The following CTXND1 variants were observed in gnomAD, a reference collection of about 807,000 sequenced individuals.
CTXND1 encodes cortexin domain containing 1.
intron 1 of CTXND1, among the ~76,000 whole-genome samples, chr15:80,242,654 T>C (rs1342653785): frequency 6.6e-6 from 1 of 152,158 alleles, no homozygotes; most frequent in Non-Finnish European, 1.5e-5. Flanking sequence ...GGCTTTATGT[T>C]TAATTTTGTT....
At chr15:80,217,692 G>A (rs1231249556) in intron 1 of CTXND1, among the ~76,000 whole-genome samples, 1 of 151,906 alleles carries the variant, frequency 6.6e-6, no homozygotes, top group Non-Finnish European at 1.5e-5. Flanking sequence ...GACTACAGGC[G>A]CACACCACCA....
At chr15:80,227,397 C>A (rs1893383784) in intron 1 of CTXND1, among the ~76,000 whole-genome samples, 1 of 152,164 alleles carries the variant, frequency 6.6e-6, no homozygotes. Flanking sequence ...CAATGATAAA[C>A]ATGATTTATT....
chr15:80,231,329 C>G (rs568157736), intron 1 of CTXND1, among the ~76,000 whole-genome samples: 2 of 151,774 alleles, frequency 1.3e-5, no homozygotes, highest in South Asian at 2.1e-4. Context: ...AATGACAGAG[C>G]CTTGCCACCT....
chr15:80,195,896 G>C lies in CTXND1; in HGVS notation c.*5874C>G, dbSNP rs2041417815. On this transcript the variant is annotated 3_prime_UTR_variant, in exon 3 of 3. Transcript: ENST00000560778. ...GACCAAGAGGAACTGCTTCCACCAG[G>C]GAATATAGTTATGGGTCTGTTAAAT... 1 of 152,136 alleles carries C rather than the reference G, an allele frequency of 6.6e-6. No individual in the cohort carries two copies. The highest frequency in any genetic ancestry group is 1.5e-5 in the Non-Finnish European group (1 of 68,022). The allele number at this position is 152,136 out of a possible 1,614,324, so 9.4% of individuals were successfully genotyped here. A position where few individuals can be genotyped will look rare whatever the true frequency, so the allele number is the denominator to read the frequency against.
intron 1 of CTXND1, among the ~76,000 whole-genome samples, chr15:80,241,049 TG>T (rs1263948944): frequency 6.6e-6 from 1 of 152,240 alleles, no homozygotes; most frequent in Non-Finnish European, 1.5e-5. Flanking sequence ...ATACACATTT[TG>T]TTGATGCTCA....
chr15:80,213,210 A>G (rs1893218499), intron 1 of CTXND1, among the ~76,000 whole-genome samples: 1 of 152,254 alleles, frequency 6.6e-6, no homozygotes, highest in South Asian at 2.1e-4. Flanking sequence ...GATGATCTAG[A>G]TTATGAGATT....
chr15:80,220,789 T>A (rs1893306082), intron 1 of CTXND1, among the ~76,000 whole-genome samples: 1 of 151,972 alleles, frequency 6.6e-6, no homozygotes, highest in South Asian at 2.1e-4. Flanking sequence ...GTATTGATTT[T>A]TTTTTACACC....
intron 1 of CTXND1, among the ~76,000 whole-genome samples, chr15:80,220,213 T>C (rs1893300772): frequency 6.6e-6 from 1 of 152,146 alleles, no homozygotes; most frequent in South Asian, 2.1e-4. Flanking sequence ...ACTTTGTTTT[T>C]CACATTTAGG....
chr15:80,235,988 T>C (rs1461658567), intron 1 of CTXND1, among the ~76,000 whole-genome samples: 1 of 147,292 alleles, frequency 6.8e-6, no homozygotes, highest in Non-Finnish European at 1.5e-5. Context: ...CAGCTTTCCA[T>C]CTGGACTTAC....
chr15:80,200,519 C>G lies in CTXND1; in HGVS notation c.*1251G>C, dbSNP rs2041443350. On this transcript the variant is annotated 3_prime_UTR_variant, in exon 3 of 3. Coordinates refer to ENST00000560778, the MANE Select transcript of CTXND1 (RefSeq NM_001352888.2). The stretch of plus-strand genomic sequence containing the variant: ...AGAAAGAGGTGGGAGGAGGGAGGGC[C>G]TGAGAAGAGCCATCATCGATGACTT... 1 of 152,226 alleles carries G rather than the reference C, an allele frequency of 6.6e-6. No individual in the cohort carries two copies. Among genetic ancestry groups the G allele is most frequent in the Non-Finnish European group, 1.5e-5 (1 of 68,052 alleles). 9.4% of individuals were successfully genotyped at this position (152,226 alleles called of 1,614,324 possible).
intron 1 of CTXND1, among the ~76,000 whole-genome samples, chr15:80,226,318 G>C (rs1439836241): frequency 6.6e-6 from 1 of 152,190 alleles, no homozygotes; most frequent in Non-Finnish European, 1.5e-5. Flanking sequence ...TCTCAGGAGG[G>C]TCTTTTTGCT....
In CTXND1 at chr15:80,210,847, C is replaced by G. The variant is rs185271703; in HGVS notation, c.-217-7107G>C. On this transcript the variant is annotated intron_variant, in intron 1 of 2. Coordinates refer to ENST00000560778, the MANE Select transcript of CTXND1 (RefSeq NM_001352888.2). ...GTGGGGTTGGCTGCTCCCCAGGGCTCTCTTCCTGGCCTGCAGACGGCTGTC... is the reference window on the plus strand; with the variant it reads ...GTGGGGTTGGCTGCTCCCCAGGGCTGTCTTCCTGGCCTGCAGACGGCTGTC... Among the ~76,000 whole-genome samples the G allele has an allele frequency of 1.4e-3, 206 of 152,338 alleles. 1 individual carries two copies. The highest frequency in any genetic ancestry group is 4.6e-3 in the African/African-American group (193 of 41,580).
chr15:80,221,261 C>T (rs963477846), intron 1 of CTXND1, among the ~76,000 whole-genome samples: 3 of 152,084 alleles, frequency 2.0e-5, no homozygotes, highest in African/African-American at 7.2e-5. Flanking sequence ...TCATAATGCC[C>T]GCCAAGAACA....
intron 1 of CTXND1, among the ~76,000 whole-genome samples, chr15:80,213,502 G>A (rs1893222004): frequency 1.3e-5 from 2 of 152,186 alleles, no homozygotes. Context: ...GTCCTTATAA[G>A]AGAGAGGCAG....
intron 1 of CTXND1, among the ~76,000 whole-genome samples, chr15:80,226,021 A>G (rs1450372390): frequency 2.0e-5 from 3 of 152,200 alleles, no homozygotes; most frequent in Non-Finnish European, 4.4e-5. Flanking sequence ...CACAGTGACT[A>G]GAGGATGAAG....
intron 1 of CTXND1, among the ~76,000 whole-genome samples, chr15:80,222,640 T>C (rs1237629132): frequency 1.3e-5 from 2 of 152,200 alleles, no homozygotes; most frequent in Non-Finnish European, 2.9e-5. Context: ...ATGCAATTAA[T>C]AGGAACGTTT....
intron 1 of CTXND1, among the ~76,000 whole-genome samples, chr15:80,247,382 C>G (rs561512184): frequency 1.3e-5 from 2 of 152,092 alleles, no homozygotes; most frequent in Middle Eastern, 3.4e-3. Context: ...TGTGAATAGT[C>G]AAAGGGTTAA....
chr15:80,202,117 C>T (rs2041453187), intron 2 of CTXND1, 103 bp from the exon 3 acceptor site: 3 of 395,100 alleles, frequency 7.6e-6, no homozygotes, highest in African/African-American at 2.1e-5. Flanking sequence ...TACCCCTGCA[C>T]CGAGAGCTTG....
At chr15:80,225,233 T>G (rs182902883) in intron 1 of CTXND1, among the ~76,000 whole-genome samples, 1 of 152,390 alleles carries the variant, frequency 6.6e-6, no homozygotes, top group Admixed American at 6.5e-5. Context: ...TTTCCATTGT[T>G]GGCAACAAAT....
Sources: allele counts gnomAD v4.1 joint callset (sites outside exome capture counted in the v4.1 genomes callset), GRCh38; gene constraint gnomAD v4.1.1; transcripts MANE v1.5; gene names NCBI Gene and HGNC (gene_info 2026-07-23, HGNC 2026-07-21).